Variants in ENTHD1 observed in about 807,000 individuals in gnomAD.
ENTHD1 encodes the protein ENTH domain containing 1, also known as ENTH domain-containing protein 1.
ENTHD1 carries 23 observed loss-of-function variants against 39.1 expected under a neutral mutation model. That is an observed-to-expected ratio of 0.59 (90% CI 0.42 to 0.83). ENTHD1 has a LOEUF of 0.83. Among genes scored for constraint, ENTHD1 ranks in the 40% least tolerant of loss-of-function variants. The pLI, the probability that ENTHD1 is intolerant of heterozygous loss-of-function variation, is 0.00. For synonymous variants in ENTHD1, 230 were observed against 258.2 expected, an observed-to-expected ratio of 0.89 and a Z score of 1.05; for missense variants, 624 against 705.4, an observed-to-expected ratio of 0.88 and a Z score of 1.31.
At position 39,817,873 on chromosome 22, in the gene ENTHD1, A is replaced by T. The variant is rs187887075; in HGVS notation, c.832+3120T>A. 4.3e-3 allele frequency among the ~76,000 whole-genome samples: 662 copies of T among 152,320 alleles called. 5 individuals are homozygous for T. The highest frequency in any genetic ancestry group is 6.6e-3 in the Non-Finnish European group (449 of 68,020). ...AAATAGGATTTTGTCAAGGATTTAT[A>T]ATTTGATGGAAGATTGTTGCAGATT... is the stretch of plus-strand genomic sequence containing the variant. On this transcript the variant is annotated intron_variant, in intron 5 of 6. Coordinates refer to ENST00000325157, the MANE Select transcript of ENTHD1 (RefSeq NM_152512.4).
intron 5 of ENTHD1, among the ~76,000 whole-genome samples, chr22:39,766,728 A>G (rs575308919): frequency 3.9e-5 from 6 of 152,330 alleles, no homozygotes; most frequent in African/African-American, 1.4e-4. Context: ...GAGTTATTAA[A>G]GAAAAGAAAC....
At chr22:39,778,394 G>A (rs771095797) in intron 5 of ENTHD1, among the ~76,000 whole-genome samples, 1 of 152,156 alleles carries the variant, frequency 6.6e-6, no homozygotes, top group South Asian at 2.1e-4. Context: ...GTGATATGAA[G>A]AACTATAACT....
chr22:39,839,401 G>C (rs1321452351), intron 3 of ENTHD1, among the ~76,000 whole-genome samples: 1 of 152,128 alleles, frequency 6.6e-6, no homozygotes, highest in African/African-American at 2.4e-5. Context: ...CAACCACAAA[G>C]AGGAAGTAAA....
chr22:39,885,092 A>G (rs576412185), intron 2 of ENTHD1, among the ~76,000 whole-genome samples: 3 of 152,222 alleles, frequency 2.0e-5, no homozygotes, highest in Non-Finnish European at 4.4e-5. Flanking sequence ...AGATACTTGC[A>G]TATCACCTTT....
intron 2 of ENTHD1, among the ~76,000 whole-genome samples, chr22:39,881,988 G>A (rs2066342382): frequency 6.6e-6 from 1 of 152,216 alleles, no homozygotes; most frequent in African/African-American, 2.4e-5. Flanking sequence ...GCAGACTCCA[G>A]ATATAGATTA....
At chr22:39,786,093 C>T (rs1301647086) in intron 5 of ENTHD1, among the ~76,000 whole-genome samples, 1 of 152,118 alleles carries the variant, frequency 6.6e-6, no homozygotes, top group Non-Finnish European at 1.5e-5. Flanking sequence ...ACCTGAGGTT[C>T]AGAAACCTCC....
chr22:39,845,062 A>C (rs921437759), intron 3 of ENTHD1, among the ~76,000 whole-genome samples: 1 of 151,776 alleles, frequency 6.6e-6, no homozygotes, highest in Non-Finnish European at 1.5e-5. Context: ...GATCTGCTAC[A>C]GAAAAATGGA....
At chr22:39,827,553 A>C (rs2065836690) in intron 4 of ENTHD1, among the ~76,000 whole-genome samples, 2 of 152,192 alleles carry the variant, frequency 1.3e-5, no homozygotes, top group African/African-American at 4.8e-5. Context: ...AGTTAACAGT[A>C]AAAAGAAACA....
In ENTHD1 at chr22:39,862,022, G is replaced by A. The variant is rs1205765263; in HGVS notation, c.350-15C>T. The A allele has an allele frequency of 6.9e-7, 1 of 1,452,206 alleles. No individual in the cohort carries two copies. The allele number at this position is 1,452,206 out of a possible 1,614,324, so 90.0% of individuals were successfully genotyped here. A position where few individuals can be genotyped will look rare whatever the true frequency, so the allele number is the denominator to read the frequency against. On this transcript the variant is annotated splice_polypyrimidine_tract_variant and intron_variant, in intron 2 of 6. Coordinates refer to ENST00000325157, the MANE Select transcript of ENTHD1 (RefSeq NM_152512.4). ...GATATAATAACCTGAAAAATACATT[G>A]ACTCTGCTTAGAAAAGGAAATACTA...
intron 2 of ENTHD1, among the ~76,000 whole-genome samples, chr22:39,868,652 T>A (rs1169261402): frequency 6.6e-6 from 1 of 152,172 alleles, no homozygotes; most frequent in Admixed American, 6.5e-5. Context: ...AACGAGCTTC[T>A]GCACAACAAA....
chr22:39,890,230 G>A (rs576358206), intron 1 of ENTHD1, among the ~76,000 whole-genome samples: 103 of 152,004 alleles, frequency 6.8e-4, no homozygotes, highest in African/African-American at 2.4e-3. Flanking sequence ...AAAAAGAGAA[G>A]TTGTGTTTCT....
intron 6 of ENTHD1, chr22:39,750,430 TG>T: frequency 6.4e-6 from 1 of 156,554 alleles, no homozygotes; most frequent in South Asian, 1.9e-4. Context: ...GCAACTAGTT[TG>T]GGATCCAGTG....
intron 5 of ENTHD1, among the ~76,000 whole-genome samples, chr22:39,786,594 T>C (rs2146593963): frequency 6.6e-6 from 1 of 152,274 alleles, no homozygotes; most frequent in Non-Finnish European, 1.5e-5. Flanking sequence ...AATTTTTGAA[T>C]AATTTCTTGG....
chr22:39,820,832 C>G (rs1306149721), intron 5 of ENTHD1, among the ~76,000 whole-genome samples, 161 bp downstream of exon 5: 1 of 152,122 alleles, frequency 6.6e-6, no homozygotes, highest in Non-Finnish European at 1.5e-5. Context: ...AGAGAAAACA[C>G]TGAAACAAAT....
chr22:39,879,510 G>A (rs2066319213), intron 2 of ENTHD1, among the ~76,000 whole-genome samples: 2 of 130,740 alleles, frequency 1.5e-5, no homozygotes, highest in South Asian at 5.5e-4. Context: ...TGGCAAGTAA[G>A]CATATGAAAG....
chr22:39,753,190 A>G (rs2065160106), intron 6 of ENTHD1, among the ~76,000 whole-genome samples: 1 of 152,242 alleles, frequency 6.6e-6, no homozygotes, highest in Non-Finnish European at 1.5e-5. Context: ...TTAGAAAGCC[A>G]AGAACAGTGT....
At chr22:39,744,854 T>C (rs1369268998) in intron 6 of ENTHD1, among the ~76,000 whole-genome samples, 6 of 152,078 alleles carry the variant, frequency 3.9e-5, no homozygotes, top group African/African-American at 1.4e-4. Context: ...TATATAATCA[T>C]TTTTTTTCTC....
intron 6 of ENTHD1, among the ~76,000 whole-genome samples, chr22:39,763,502 CT>C (rs1002599595): frequency 2.0e-5 from 3 of 152,162 alleles, no homozygotes; most frequent in Non-Finnish European, 4.4e-5. Context: ...GCCTACGCCT[CT>C]GATTTTTCTT....
intron 5 of ENTHD1, among the ~76,000 whole-genome samples, chr22:39,807,153 C>T (rs1301196664): frequency 3.9e-5 from 6 of 152,112 alleles, no homozygotes; most frequent in African/African-American, 9.7e-5. Context: ...TGTTTTGACC[C>T]CTGATTGCTT....
Sources: allele counts gnomAD v4.1 joint callset (sites outside exome capture counted in the v4.1 genomes callset), GRCh38; gene constraint gnomAD v4.1.1; transcripts MANE v1.5; gene names NCBI Gene and HGNC (gene_info 2026-07-23, HGNC 2026-07-21).